The following MTG2 variants were observed in gnomAD, a reference collection of about 807,000 sequenced individuals.
MTG2 encodes the protein mitochondrial ribosome-associated GTPase 2.
Under a neutral mutation model 28.6 loss-of-function variants are expected in MTG2, and 23 were observed. The ratio of observed to expected loss-of-function variants is 0.80; its 90% CI spans 0.58 to 1.14. The LOEUF is 1.14. MTG2 is among the 50% of genes most tolerant of loss of function. The pLI, the probability that MTG2 is intolerant of heterozygous loss-of-function variation, is 0.00. For synonymous variants in MTG2, 260 were observed against 251.8 expected (o/e 1.03, Z -0.31); for missense variants, 539 against 552.0 (o/e 0.98, Z 0.24).
intron 1 of MTG2, among the ~76,000 whole-genome samples, chr20:62,185,747 T>C (rs1436027996): frequency 6.6e-6 from 1 of 152,240 alleles, no homozygotes; most frequent in Admixed American, 6.5e-5. Flanking sequence ...CCTCAGGGAC[T>C]GAGTTTTTAC....
In MTG2 at chr20:62,199,158, G is replaced by A. The variant is rs1350330937; in HGVS notation, c.727G>A (p.Ala243Thr). The change falls in exon 6 of 7, where the codon GCC (alanine) becomes ACC (threonine). Residue 243 changes from alanine (A) to threonine (T), a missense_variant. Physicochemically the swap from Ala to Thr is moderately conservative, Grantham distance 58. Coordinates refer to ENST00000370823, the MANE Select transcript of MTG2 (RefSeq NM_015666.4). Reference protein sequence around the residue: ...PNAGKSSLLRAISNARPAVAS... With the variant: ...PNAGKSSLLRTISNARPAVAS... ...CGCCGGGAAGTCCTCACTGCTCCGG[G>A]CCATTTCAAACGCCAGACCCGCCGT... is the stretch of plus-strand genomic sequence containing the variant. The A allele has an allele frequency of 1.3e-5, 21 of 1,613,994 alleles. No homozygotes were observed. Among genetic ancestry groups the A allele is most frequent in the East Asian group, 2.2e-5 (1 of 44,886 alleles).
Position 62,198,791 on chromosome 20 carries a change from G to T in MTG2, c.626G>T (p.Gly209Val). ...CGTGCCCCTGTGACCTGTACCCCTG[G>T]ACAGCCAGGACAGCAGCGAGTTCTC... ...NNRAPVTCTP[G>V]QPGQQRVLHL... Residue 209 changes from glycine to valine, a missense_variant, in exon 5 of 7, where the codon GGA becomes GTA. Coordinates refer to ENST00000370823, the MANE Select transcript of MTG2 (RefSeq NM_015666.4). 1 of 1,614,090 alleles carries T rather than the reference G, an allele frequency of 6.2e-7. No individual in the cohort carries two copies. The highest frequency in any genetic ancestry group is 8.5e-7 in the Non-Finnish European group (1 of 1,180,038).
chr20:62,184,383 C>G (rs2145820561), intron 1 of MTG2, among the ~76,000 whole-genome samples: 1 of 151,390 alleles, frequency 6.6e-6, no homozygotes, highest in Admixed American at 6.6e-5. Flanking sequence ...AAAAAAAAAT[C>G]AGGTTTCATG....
intron 1 of MTG2, among the ~76,000 whole-genome samples, chr20:62,185,337 G>A (rs561223241): frequency 2.0e-3 from 309 of 152,174 alleles, no homozygotes; most frequent in Non-Finnish European, 2.9e-3. Context: ...CCTTGAACCC[G>A]GGAGGCAGAG....
At position 62,199,119 on chromosome 20, in the gene MTG2, G is replaced by C; in HGVS notation, c.688G>C (p.Val230Leu). The C allele has an allele frequency of 6.2e-7, 1 of 1,613,978 alleles. No individual in the cohort carries two copies. Residue 230 changes from valine to leucine, a missense_variant and splice_region_variant, in exon 6 of 7, where the codon GTG becomes CTG. Transcript: ENST00000370823. ...CCACCGTCTTCCCTCTTTCCCCCAG[G>C]TGGGATTCCCCAACGCCGGGAAGTC... The part of the protein sequence containing the change: ...ELKTVAHAGM[V>L]GFPNAGKSSL...
In MTG2 at chr20:62,198,707, T is replaced by C; in HGVS notation, c.542T>C (p.Ile181Thr). ...CTGTCTTGCGTGGGAGATGAGTACA[T>C]TGCCGCGCTGGGCGGGGCAGGAGGG... is the stretch of plus-strand genomic sequence containing the variant. ...ADLSCVGDEY[I>T]AALGGAGGKG... Residue 181 changes from isoleucine to threonine, a missense_variant, in exon 5 of 7, where the codon ATT (isoleucine) becomes ACT (threonine). Coordinates refer to ENST00000370823, the MANE Select transcript of MTG2 (RefSeq NM_015666.4). The C allele has an allele frequency of 6.2e-7, 1 of 1,614,136 alleles. No individual in the cohort carries two copies. The highest frequency in any genetic ancestry group is 8.5e-7 in the Non-Finnish European group (1 of 1,180,036).
chr20:62,202,451 A>C lies in MTG2; in HGVS notation c.*1374A>C, dbSNP rs1327646803. On this transcript the variant is annotated 3_prime_UTR_variant, in exon 7 of 7. Coordinates refer to ENST00000370823, the MANE Select transcript of MTG2 (RefSeq NM_015666.4). ...ACCCTGTCTCAAAAAACAAACAAAC[A>C]AACAAACAAAAACAGAACATTCTGG... 2 of 155,334 alleles carry C rather than the reference A, an allele frequency of 1.3e-5. No individual in the cohort carries two copies. Among genetic ancestry groups the C allele is most frequent in the Non-Finnish European group, 2.8e-5 (2 of 70,800 alleles). 9.6% of individuals were successfully genotyped at this position (155,334 alleles called of 1,614,324 possible).
chr20:62,193,125 C>T (rs557607683), intron 1 of MTG2, among the ~76,000 whole-genome samples: 3 of 152,218 alleles, frequency 2.0e-5, no homozygotes, highest in South Asian at 2.1e-4. Flanking sequence ...TTTCGTTGAG[C>T]GGAACCTTGC....
chr20:62,195,153 A>G (rs1285218330), intron 2 of MTG2, among the ~76,000 whole-genome samples: 1 of 152,134 alleles, frequency 6.6e-6, no homozygotes, highest in Non-Finnish European at 1.5e-5. Context: ...CCGAGATCCC[A>G]CCGTTGCACT....
intron 1 of MTG2, among the ~76,000 whole-genome samples, chr20:62,189,023 T>A (rs111608720): frequency 0.026 from 3,966 of 152,320 alleles, 77 homozygotes; most frequent in Non-Finnish European, 0.041. Flanking sequence ...TATTTTTCTA[T>A]TTTTAGACAG....
intron 1 of MTG2, among the ~76,000 whole-genome samples, chr20:62,185,432 TA>T (rs201534217): frequency 0.19 from 28,996 of 151,340 alleles, 3,078 homozygotes; most frequent in African/African-American, 0.28. Flanking sequence ...AAATAAAAAA[TA>T]AAAAATAAAA....
intron 6 of MTG2, among the ~76,000 whole-genome samples, chr20:62,199,672 G>T (rs952700236): frequency 2.9e-4 from 38 of 129,778 alleles, no homozygotes; most frequent in East Asian, 4.9e-4. Context: ...AAGTAGCATT[G>T]TTTTTCCTAA....
chr20:62,183,576 C>T (rs376409449), intron 1 of MTG2, among the ~76,000 whole-genome samples: 11 of 152,352 alleles, frequency 7.2e-5, no homozygotes, highest in African/African-American at 2.2e-4. Flanking sequence ...AGATAATTCA[C>T]TGTCCGTGGC....
At chr20:62,187,806 C>T (rs2057877257) in intron 1 of MTG2, among the ~76,000 whole-genome samples, 1 of 152,144 alleles carries the variant, frequency 6.6e-6, no homozygotes, top group Non-Finnish European at 1.5e-5. Flanking sequence ...TTATTGTTGT[C>T]TCTTTATTTC....
At chr20:62,196,048 T>G in intron 3 of MTG2, 99 bp downstream of exon 3, 2 of 1,442,380 alleles carry the variant, frequency 1.4e-6, no homozygotes, top group Non-Finnish European at 1.9e-6. Flanking sequence ...CACAGTGGCT[T>G]ATGCCTGTGA....
rs112408197 is a variant in MTG2 at position 62,184,689 on chromosome 20, G to A, written c.-6+1632G>A. ...CAGGTCCCAGTAGGTTTTCCTATGG[G>A]GCAAGCTCAGGCTCCTGACACACAG... On this transcript the variant is annotated intron_variant, in intron 1 of 6. Coordinates refer to ENST00000370823, the MANE Select transcript of MTG2 (RefSeq NM_015666.4). 7.1e-3 allele frequency among the ~76,000 whole-genome samples: 1,087 copies of A among 152,290 alleles called. 21 individuals carry two copies. Among genetic ancestry groups the A allele is most frequent in the African/African-American group, 0.023 (970 of 41,556 alleles).
chr20:62,199,930 C>T (rs1265099493), intron 6 of MTG2: 1 of 152,020 alleles, frequency 6.6e-6, no homozygotes, highest in Non-Finnish European at 1.5e-5. Flanking sequence ...CTCCTGATCT[C>T]AAGTGATCTG....
intron 4 of MTG2, 58 bp downstream of exon 4, chr20:62,198,025 TG>T (rs2058091815): frequency 1.3e-6 from 2 of 1,514,432 alleles, no homozygotes; most frequent in Admixed American, 1.7e-5. Flanking sequence ...ATCCAGCTCC[TG>T]GGGGCCACCG....
In MTG2 at chr20:62,193,563, G is replaced by C; in HGVS notation, c.143G>C (p.Arg48Pro). 6.2e-7 allele frequency: 1 copy of C among 1,613,882 alleles called. No individual in the cohort carries two copies. Among genetic ancestry groups the C allele is most frequent in the South Asian group, 1.1e-5 (1 of 91,052 alleles). The stretch of plus-strand genomic sequence containing the variant: ...TCTCCCAGGCTGCTCTCGGTCGGCC[G>C]TGCGGACCTCGCCAAGCATCAGGAA... ...RASPRLLSVGRADLAKHQELP... is the reference protein window; with the variant it reads ...RASPRLLSVGPADLAKHQELP... Residue 48 changes from arginine to proline, a missense_variant, in exon 2 of 7, where the codon CGT becomes CCT. By Grantham distance (103) the Arg-to-Pro change is moderately radical (BLOSUM62 -2). Coordinates refer to ENST00000370823, the MANE Select transcript of MTG2 (RefSeq NM_015666.4).
Sources: gnomAD v4.1 joint callset for allele counts (sites outside exome capture counted in the v4.1 genomes callset) on GRCh38, gnomAD v4.1.1 for gene constraint, MANE v1.5 for transcripts, NCBI Gene and HGNC (gene_info 2026-07-23, HGNC 2026-07-21) for gene names.